Variants in FGL1 observed in about 807,000 individuals in gnomAD.
FGL1 encodes the protein fibrinogen like 1.
A neutral mutation model predicts 43.7 loss-of-function variants in FGL1; 59 were observed. That is an observed-to-expected ratio of 1.35 (90% CI 1.10 to 1.68). FGL1 has a LOEUF of 1.68. Ranked by LOEUF, FGL1 falls within the 40% of genes most tolerant of loss-of-function variation. The pLI is 0.00. For synonymous variants in FGL1, 192 were observed against 126.5 expected, an observed-to-expected ratio of 1.52 and a Z score of -3.48; for missense variants, 596 against 373.0, an observed-to-expected ratio of 1.60 and a Z score of -4.92.
intron 5 of FGL1, among the ~76,000 whole-genome samples, chr8:17,871,007 G>C (rs928906309): frequency 5.9e-5 from 9 of 151,546 alleles, no homozygotes; most frequent in African/African-American, 1.7e-4. Flanking sequence ...AAGGCTGTTG[G>C]GGCAGGGAAT....
At chr8:17,879,818 T>C (rs755700887) in intron 3 of FGL1, among the ~76,000 whole-genome samples, 6 of 152,138 alleles carry the variant, frequency 3.9e-5, no homozygotes, top group Non-Finnish European at 8.8e-5. Flanking sequence ...AGTCTTCCCA[T>C]GACTGGTTGT....
intron 1 of FGL1, among the ~76,000 whole-genome samples, chr8:17,893,837 C>G (rs909249188): frequency 6.8e-6 from 1 of 147,218 alleles, no homozygotes; most frequent in African/African-American, 2.7e-5. Flanking sequence ...ATTATTTCTT[C>G]TGCACATCTG....
intron 1 of FGL1, chr8:17,891,910 G>A (rs1292165169): frequency 1.3e-5 from 5 of 388,880 alleles, no homozygotes; most frequent in South Asian, 1.1e-4. Flanking sequence ...AGCTTATTTT[G>A]GTTTTAAAAG....
intron 6 of FGL1, 68 bp downstream of exon 6, chr8:17,868,848 G>T: frequency 6.9e-7 from 1 of 1,457,160 alleles, no homozygotes; most frequent in South Asian, 1.3e-5. Context: ...TATTTCCACT[G>T]ACTCCAGGGT....
chr8:17,875,657 T>C (rs559674404), intron 3 of FGL1, among the ~76,000 whole-genome samples: 27 of 151,548 alleles, frequency 1.8e-4, no homozygotes, highest in African/African-American at 2.4e-4. Flanking sequence ...CAGGCTGGAG[T>C]GCAATGGTGC....
chr8:17,874,096 T>C lies in FGL1; in HGVS notation c.425A>G (p.Asn142Ser), dbSNP rs2053406551. ...TTTTTGGACAAAATTTCCAAAGCCA[T>C]TTTCATAGTCTTTCCATCCTCTAAA... is the stretch of plus-strand genomic sequence containing the variant. ...NFNRGWKDYE[N>S]GFGNFVQKHG... Residue 142 changes from asparagine to serine, a missense_variant, in exon 5 of 8, where the codon AAT becomes AGT. Transcript: ENST00000427924. 2 of 1,610,982 alleles carry C rather than the reference T, an allele frequency of 1.2e-6. No homozygotes were observed. The highest frequency in any genetic ancestry group is 1.7e-6 in the Non-Finnish European group (2 of 1,179,198).
In FGL1 at chr8:17,894,002, A is replaced by G. The variant is rs541828809; in HGVS notation, c.-18+1445T>C. Among the ~76,000 whole-genome samples, 84 of 147,168 alleles carry G rather than the reference A, an allele frequency of 5.7e-4. 2 individuals are homozygous for G. The highest frequency in any genetic ancestry group is 1.0e-3 in the Non-Finnish European group (69 of 67,722). On this transcript the variant is annotated intron_variant, in intron 1 of 7. Coordinates refer to ENST00000427924, the MANE Select transcript of FGL1 (RefSeq NM_004467.4). ...TGGCTGTTCTTTGGTGGACTATATT[A>G]TTTTACATAATTTTAATGCTATAAA...
chr8:17,883,993 G>A lies in FGL1; in HGVS notation c.63+1499C>T, dbSNP rs572582248. On this transcript the variant is annotated intron_variant, in intron 2 of 7. Transcript: ENST00000427924. ...CCTTTCTTCCCATCCCTAGGTCCAA[G>A]TCACAGAACCTCTCCCAGCCATTTT... Among the ~76,000 whole-genome samples the A allele has an allele frequency of 2.8e-5, 4 of 141,480 alleles. No homozygotes were observed. In the East Asian group the frequency reaches 8.2e-4, roughly 29 times the overall value. 92.8% of individuals were successfully genotyped at this position (141,480 alleles called of 152,430 possible).
At chr8:17,889,427 G>T (rs573895103) in intron 1 of FGL1, among the ~76,000 whole-genome samples, 1 of 152,104 alleles carries the variant, frequency 6.6e-6, no homozygotes, top group South Asian at 2.1e-4. Flanking sequence ...GTGCACACCT[G>T]TAATCCCAGC....
intron 3 of FGL1, among the ~76,000 whole-genome samples, chr8:17,875,854 G>T (rs1196112740): frequency 6.6e-6 from 1 of 152,068 alleles, no homozygotes; most frequent in Non-Finnish European, 1.5e-5. Flanking sequence ...CCATCCGCCC[G>T]CCTCGGCCTC....
chr8:17,880,452 A>C (rs1237600378), intron 3 of FGL1, among the ~76,000 whole-genome samples: 2 of 152,094 alleles, frequency 1.3e-5, no homozygotes, highest in Admixed American at 6.6e-5. Flanking sequence ...AAGATTGGCA[A>C]CTCTTTGACC....
At chr8:17,881,651 G>T (rs1191294701) in intron 3 of FGL1, among the ~76,000 whole-genome samples, 1 of 151,056 alleles carries the variant, frequency 6.6e-6, no homozygotes, top group Non-Finnish European at 1.5e-5. Context: ...GGCTAACATG[G>T]TGAAACCCTG....
chr8:17,886,767 G>A (rs372844213), intron 1 of FGL1, among the ~76,000 whole-genome samples: 37 of 123,434 alleles, frequency 3.0e-4, no homozygotes, highest in African/African-American at 9.5e-4. Context: ...AGAAAGAAAC[G>A]AAATGAGAGG....
chr8:17,892,100 A>G (rs2053713675), intron 1 of FGL1, among the ~76,000 whole-genome samples: 1 of 152,198 alleles, frequency 6.6e-6, no homozygotes, highest in South Asian at 2.1e-4. Context: ...GCAAAATTAT[A>G]ATAGCTATGT....
At chr8:17,878,956 A>G (rs1044160132) in intron 3 of FGL1, among the ~76,000 whole-genome samples, 2 of 68,322 alleles carry the variant, frequency 2.9e-5, no homozygotes, top group Non-Finnish European at 7.9e-5. Context: ...TATTTTATTT[A>G]TTGAGTATCT....
At position 17,865,376 on chromosome 8, in the gene FGL1, C is replaced by T. The variant is rs182205044; in HGVS notation, c.780-625G>A. Among the ~76,000 whole-genome samples, 8 of 152,262 alleles carry T rather than the reference C, an allele frequency of 5.3e-5. No homozygotes were observed. In the East Asian group the frequency reaches 1.2e-3, roughly 22 times the overall value. On this transcript the variant is annotated intron_variant, in intron 7 of 7. Transcript: ENST00000427924. ...CTTTCCTGGATAATTTGCACTCACACGTTCATTCCTCTGCTGCTAAGACTT... is the reference window on the plus strand; with the variant it reads ...CTTTCCTGGATAATTTGCACTCACATGTTCATTCCTCTGCTGCTAAGACTT...
upstream of FGL1, chr8:17,895,538 T>C: frequency 7.8e-7 from 1 of 1,286,590 alleles, no homozygotes; most frequent in Non-Finnish European, 1.0e-6. Flanking sequence ...AATTTGTAAT[T>C]ATTTCTCCAT....
chr8:17,880,341 C>T (rs1168330217), intron 3 of FGL1, among the ~76,000 whole-genome samples: 1 of 152,202 alleles, frequency 6.6e-6, no homozygotes, highest in South Asian at 2.1e-4. Context: ...GTGAGCCAGC[C>T]AGGTGCCCTG....
intron 3 of FGL1, among the ~76,000 whole-genome samples, chr8:17,880,177 C>T (rs2053513930): frequency 6.6e-6 from 1 of 152,158 alleles, no homozygotes; most frequent in Admixed American, 6.5e-5. Context: ...TGGCTCTGGC[C>T]TCTTTCTGAT....
Sources: gnomAD v4.1 joint callset for allele counts (sites outside exome capture counted in the v4.1 genomes callset) on GRCh38, gnomAD v4.1.1 for gene constraint, MANE v1.5 for transcripts, NCBI Gene and HGNC (gene_info 2026-07-23, HGNC 2026-07-21) for gene names.